Variants in LAMA2 observed in about 807,000 individuals in gnomAD.
LAMA2 encodes laminin subunit alpha 2, also known as laminin subunit alpha-2.
LAMA2 carries 269 observed loss-of-function variants against 364.8 expected under a neutral mutation model. The ratio of observed to expected loss-of-function variants is 0.74; its 90% confidence interval spans 0.67 to 0.82. The LOEUF (loss-of-function observed/expected upper bound fraction) is 0.82. Among genes scored for constraint, LAMA2 ranks in the 40% least tolerant of loss-of-function variants. LAMA2 has a pLI of 0.00. For missense variants in LAMA2, 3,807 were observed against 3,873.2 expected (o/e 0.98, Z 0.45); for synonymous variants, 1,379 against 1,370.6 (o/e 1.01, Z -0.14).
rs1395013214 is a variant in LAMA2, at chr6:129,343,948, C to CTAAT, written c.4436+1482_4436+1485dup. Among the ~76,000 whole-genome samples, 21 of 152,104 alleles carry CTAAT rather than the reference C, an allele frequency of 1.4e-4. No individual in the cohort carries two copies. In the East Asian group the frequency reaches 3.5e-3, roughly 25 times the overall value. ...ACAAAATACAAGGCATGTGCAAAAC[C>CTAAT]TAATAAGTAACAGAATTTGGAACAT... On this transcript the variant is annotated intron_variant, in intron 30 of 64. Transcript: ENST00000421865.
chr6:129,514,585 A>G lies in LAMA2; in HGVS notation c.9201A>G (p.Gly3067=). The G allele has an allele frequency of 6.2e-7, 1 of 1,613,734 alleles. No homozygotes were observed. Among genetic ancestry groups the G allele is most frequent in the East Asian group, 2.2e-5 (1 of 44,844 alleles). The change falls in exon 64 of 65, where the codon GGA becomes GGG. Residue 3067 remains glycine, a synonymous_variant. Coordinates refer to ENST00000421865, the MANE Select transcript of LAMA2 (RefSeq NM_000426.4). ...SADTNDPVFV[G]GFPDDLKQFG... is the part of the protein sequence containing the mutation. ...ACACAAATGACCCTGTGTTTGTTGG[A>G]GGCTTCCCAGGTGAGTGTTGGCTAC...
intron 30 of LAMA2, 70 bp from the exon 31 acceptor site, chr6:129,349,228 T>C: frequency 1.7e-6 from 2 of 1,195,312 alleles, no homozygotes; most frequent in Non-Finnish European, 2.5e-6. Flanking sequence ...ACCTTGATCA[T>C]GGATAGGAAT....
chr6:129,476,706 G>C (rs1387066689), intron 53 of LAMA2, among the ~76,000 whole-genome samples: 1 of 152,176 alleles, frequency 6.6e-6, no homozygotes, highest in Non-Finnish European at 1.5e-5. Flanking sequence ...ATGGAAGCAA[G>C]TGAACACTGT....
chr6:129,455,318 G>T (rs1181341206), intron 47 of LAMA2, among the ~76,000 whole-genome samples: 4 of 152,108 alleles, frequency 2.6e-5, no homozygotes, highest in African/African-American at 9.7e-5. Context: ...CAGCAAAAGT[G>T]TGTGTGCATG....
In LAMA2 at chr6:129,391,469, A is replaced by G. The variant is rs201895025; in HGVS notation, c.5072-22A>G. ...TGGCATGTTTGTTTACTAATTTACAAAATTTGTTTTACCCCCTGCAGCTGT... is the reference window on the plus strand; with the variant it reads ...TGGCATGTTTGTTTACTAATTTACAGAATTTGTTTTACCCCCTGCAGCTGT... On this transcript the variant is annotated intron_variant, in intron 35 of 64. Transcript: ENST00000421865. 522 of 1,604,490 alleles carry G rather than the reference A, an allele frequency of 3.3e-4. No homozygotes were observed. Among genetic ancestry groups the G allele is most frequent in the Non-Finnish European group, 4.1e-4 (485 of 1,171,620 alleles).
intron 1 of LAMA2, among the ~76,000 whole-genome samples, chr6:128,935,735 CAG>C (rs1434448104): frequency 6.6e-6 from 1 of 152,148 alleles, no homozygotes; most frequent in Non-Finnish European, 1.5e-5. Flanking sequence ...CATCTGCAAA[CAG>C]AGACAATTTA....
chr6:128,994,957 G>A (rs917290704), intron 1 of LAMA2, among the ~76,000 whole-genome samples: 33 of 152,188 alleles, frequency 2.2e-4, no homozygotes, highest in African/African-American at 7.7e-4. Context: ...CTAGATTTGT[G>A]ACTCTTCAGT....
Position 129,200,105 on chromosome 6 carries a change from T to C in LAMA2, c.1782+7252T>C, listed in dbSNP as rs1278849165. Among the ~76,000 whole-genome samples the C allele has an allele frequency of 2.3e-5, 3 of 133,284 alleles. No homozygotes were observed. In the Admixed American group the frequency reaches 2.3e-4, roughly 10 times the overall value. 87.4% of individuals were successfully genotyped at this position (133,284 alleles called of 152,430 possible). A position where few individuals can be genotyped will look rare whatever the true frequency, so the allele number is the denominator to read the frequency against. On this transcript the variant is annotated intron_variant, in intron 12 of 64. Coordinates refer to ENST00000421865, the MANE Select transcript of LAMA2 (RefSeq NM_000426.4). ...AAATATATATATACACGTGTATATG[T>C]GTACACGTATATATATGTGTATATA...
intron 1 of LAMA2, among the ~76,000 whole-genome samples, chr6:128,898,241 A>G (rs66806176): frequency 0.097 from 14,760 of 152,090 alleles, 734 homozygotes; most frequent in African/African-American, 0.12. Flanking sequence ...GGGTAGTCAA[A>G]GTTGCCACTA....
chr6:129,036,204 C>A (rs1480826360), intron 1 of LAMA2, among the ~76,000 whole-genome samples: 1 of 152,078 alleles, frequency 6.6e-6, no homozygotes. Context: ...TGGTAGAGAT[C>A]TTTTACCTCC....
intron 34 of LAMA2, among the ~76,000 whole-genome samples, chr6:129,380,917 C>A (rs1041465865): frequency 5.9e-5 from 9 of 152,116 alleles, no homozygotes; most frequent in African/African-American, 2.2e-4. Context: ...ATAACCTGTA[C>A]AACAGATCAT....
In LAMA2 at chr6:129,210,024, A is replaced by AAAAAAAAAAAAAT. The variant is rs200129656; in HGVS notation, c.1782+17172_1782+17173insAAAAAAAAAAATA. 6.2e-5 allele frequency among the ~76,000 whole-genome samples: 9 copies of AAAAAAAAAAAAAT among 145,332 alleles called. 1 individual carries two copies. The East Asian group carries it at 6.6e-4, about 11-fold the overall frequency. On this transcript the variant is annotated intron_variant, in intron 12 of 64. Coordinates refer to ENST00000421865, the MANE Select transcript of LAMA2 (RefSeq NM_000426.4). ...ATCTCAAAAAAAAAAAAAAAAAAAAAATTTTTACTATTGACCCTTACTCTG... is the reference window on the plus strand; with the variant it reads ...ATCTCAAAAAAAAAAAAAAAAAAAAAAAAAAAAAAAAATATTTTTACTATTGACCCTTACTCTG...
intron 20 of LAMA2, among the ~76,000 whole-genome samples, chr6:129,296,087 G>T (rs1374103235): frequency 6.6e-6 from 1 of 151,722 alleles, no homozygotes; most frequent in Non-Finnish European, 1.5e-5. Flanking sequence ...CATTAAAACT[G>T]CTTCAAAACA....
chr6:129,482,518 T>A (rs1395807120), intron 55 of LAMA2, among the ~76,000 whole-genome samples: 1 of 152,220 alleles, frequency 6.6e-6, no homozygotes, highest in African/African-American at 2.4e-5. Context: ...AAGAACACAA[T>A]GCTTTACAAA....
At chr6:129,477,685 G>A (rs1252078990) in intron 53 of LAMA2, among the ~76,000 whole-genome samples, 1 of 149,062 alleles carries the variant, frequency 6.7e-6, no homozygotes, top group Non-Finnish European at 1.5e-5. Flanking sequence ...AAAATAAAAT[G>A]TATGGGTTTT....
At chr6:129,516,075 T>G (rs1195411872) in intron 64 of LAMA2, 115 bp from the exon 65 acceptor site, 2 of 1,173,632 alleles carry the variant, frequency 1.7e-6, no homozygotes, top group Non-Finnish European at 2.6e-6. Flanking sequence ...ACCACTAACT[T>G]TGCATAAAAC....
At chr6:129,285,703 TAAGAC>T (rs1390863327) in intron 18 of LAMA2, among the ~76,000 whole-genome samples, 27 of 152,244 alleles carry the variant, frequency 1.8e-4, no homozygotes, top group African/African-American at 6.0e-4. Flanking sequence ...GAATATTAAA[TAAGAC>T]AAGAAGAATC....
intron 1 of LAMA2, among the ~76,000 whole-genome samples, chr6:129,027,701 A>G (rs1785925996): frequency 6.6e-6 from 1 of 151,892 alleles, no homozygotes; most frequent in Non-Finnish European, 1.5e-5. Flanking sequence ...GAAATACTAA[A>G]TTTAGACTTA....
At chr6:129,158,139 G>A in intron 8 of LAMA2, 2 of 1,612,532 alleles carry the variant, frequency 1.2e-6, no homozygotes, top group South Asian at 2.2e-5. Flanking sequence ...CAGGGCTCTG[G>A]TGTCCAGCGT....
Sources: allele counts gnomAD v4.1 joint callset (sites outside exome capture counted in the v4.1 genomes callset), GRCh38; gene constraint gnomAD v4.1.1; transcripts MANE v1.5; gene names NCBI Gene and HGNC (gene_info 2026-07-23, HGNC 2026-07-21).